Variants in MYBL2 observed in about 807,000 individuals in gnomAD.
MYBL2 encodes MYB proto-oncogene like 2.
A neutral mutation model predicts 79.9 loss-of-function variants in MYBL2; 28 were observed. The observed-to-expected ratio is 0.35, with a 90% CI of 0.26 to 0.48. MYBL2 has a LOEUF of 0.48. Among genes scored for constraint, MYBL2 ranks in the 20% least tolerant of loss-of-function variants. MYBL2 has a pLI of 0.99. For synonymous variants in MYBL2, 378 were observed against 361.2 expected (o/e 1.05, Z -0.53); for missense variants, 735 against 893.9 (o/e 0.82, Z 2.27).
chr20:43,692,632 G>A (rs181578500), intron 6 of MYBL2, among the ~76,000 whole-genome samples: 434 of 152,216 alleles, frequency 2.9e-3, no homozygotes, highest in Non-Finnish European at 4.9e-3. Context: ...AAGCATGTTT[G>A]CAATAAAAAA....
chr20:43,703,129 C>T (rs1409597605), intron 8 of MYBL2, among the ~76,000 whole-genome samples: 1 of 152,198 alleles, frequency 6.6e-6, no homozygotes, highest in Non-Finnish European at 1.5e-5. Context: ...TCCAGGAAGA[C>T]TGCCAGGAGG....
chr20:43,689,532 A>C (rs961582637), intron 5 of MYBL2, among the ~76,000 whole-genome samples: 6 of 149,950 alleles, frequency 4.0e-5, no homozygotes, highest in Admixed American at 6.6e-5. Flanking sequence ...CCTGCAGTGC[A>C]CTCCCGCTTG....
intron 1 of MYBL2, among the ~76,000 whole-genome samples, chr20:43,669,189 GTC>G (rs1402591159): frequency 6.6e-6 from 1 of 152,122 alleles, no homozygotes; most frequent in Non-Finnish European, 1.5e-5. Context: ...CTCGCGTTGT[GTC>G]TCACCTCACT....
In MYBL2 at chr20:43,705,070, G is replaced by A. The variant is rs564577234; in HGVS notation, c.1366-149G>A. On this transcript the variant is annotated intron_variant, in intron 8 of 13. Transcript: ENST00000217026. The stretch of plus-strand genomic sequence containing the variant: ...TCGATCTGTCCCAGTCCTTGTTCTC[G>A]GGTGTCTGATGGGTCAAGAGGGGAC... 12 of 950,874 alleles carry A rather than the reference G, an allele frequency of 1.3e-5. No individual in the cohort carries two copies. The East Asian group carries it at 1.6e-4, about 13-fold the overall frequency. The allele number at this position is 950,874 out of a possible 1,614,324, so 58.9% of individuals were successfully genotyped here. A position where few individuals can be genotyped will look rare whatever the true frequency, so the allele number is the denominator to read the frequency against.
chr20:43,712,087 T>TG (rs1188528629), intron 11 of MYBL2, among the ~76,000 whole-genome samples: 1 of 126,774 alleles, frequency 7.9e-6, no homozygotes, highest in African/African-American at 3.1e-5. Flanking sequence ...CTGCATGAGC[T>TG]GGGGGTGGGG....
At position 43,716,276 on chromosome 20, in the gene MYBL2, C is replaced by T. The variant is rs750720288; in HGVS notation, c.*189C>T. The T allele has an allele frequency of 1.2e-6, 1 of 820,410 alleles. No homozygotes were observed. The highest frequency in any genetic ancestry group is 1.8e-6 in the Non-Finnish European group (1 of 552,504). The allele number at this position is 820,410 out of a possible 1,614,324, so 50.8% of individuals were successfully genotyped here. ...TGTTGCCGAGCCCAGCTGTGGGCGG[C>T]TCCTGGTGCTAACAACAAAGTTCCA... On this transcript the variant is annotated 3_prime_UTR_variant, in exon 14 of 14. Coordinates refer to ENST00000217026, the MANE Select transcript of MYBL2 (RefSeq NM_002466.4).
Position 43,699,829 on chromosome 20 carries a change from G to A in MYBL2, c.736G>A (p.Ala246Thr). ...GGAGGAAAACAGTGAGGAGGAACTT[G>A]CAGCAGCCACCACATCGAAGGAACA... ...KEEENSEEEL[A>T]AATTSKEQEP... The change falls in exon 7 of 14, where the codon GCA (alanine) becomes ACA (threonine). Residue 246 changes from alanine (A) to threonine (T), a missense_variant. Ala to Thr is a moderately conservative substitution (Grantham distance 58). Around this residue, in one of 5 missense-constraint regions of MYBL2, gnomAD observed 144 missense variants for 131.9 expected, o/e 1.09. Transcript: ENST00000217026. 6.2e-7 allele frequency: 1 copy of A among 1,614,180 alleles called. No individual in the cohort carries two copies. The highest frequency in any genetic ancestry group is 2.2e-5 in the East Asian group (1 of 44,886).
chr20:43,686,263 T>C (rs73276029), intron 4 of MYBL2, among the ~76,000 whole-genome samples: 1,948 of 152,170 alleles, frequency 0.013, 47 homozygotes, highest in African/African-American at 0.045. Flanking sequence ...GGCCTGGCTC[T>C]TGTGGCTGCG....
At chr20:43,695,122 C>T (rs1987504491) in intron 6 of MYBL2, among the ~76,000 whole-genome samples, 1 of 151,990 alleles carries the variant, frequency 6.6e-6, no homozygotes, top group African/African-American at 2.4e-5. Flanking sequence ...CAACCTCCAC[C>T]TCCCAAGTTC....
At chr20:43,706,743 T>C (rs113557870) in intron 9 of MYBL2, among the ~76,000 whole-genome samples, 3,388 of 136,450 alleles carry the variant, frequency 0.025, 84 homozygotes, top group South Asian at 0.041. Context: ...TGAGATGGAG[T>C]CTTGCTTTAT....
At chr20:43,687,476 A>C (rs943879086) in intron 5 of MYBL2, among the ~76,000 whole-genome samples, 1 of 152,166 alleles carries the variant, frequency 6.6e-6, no homozygotes, top group Admixed American at 6.5e-5. Flanking sequence ...GTAGTACTAT[A>C]ATCTGCTAAA....
chr20:43,681,956 A>T, intron 3 of MYBL2, 101 bp downstream of exon 3: 1 of 1,237,568 alleles, frequency 8.1e-7, no homozygotes, highest in Non-Finnish European at 1.2e-6. Context: ...GGAGTTCCTT[A>T]CTCAGCCCCT....
intron 4 of MYBL2, among the ~76,000 whole-genome samples, chr20:43,684,967 C>T (rs73624572): frequency 1.3e-5 from 2 of 151,034 alleles, no homozygotes; most frequent in Admixed American, 6.6e-5. Context: ...ACCAACATGG[C>T]GAAACCCCGT....
At chr20:43,667,715 C>T (rs1357990023) in intron 1 of MYBL2, among the ~76,000 whole-genome samples, 1 of 152,168 alleles carries the variant, frequency 6.6e-6, no homozygotes, top group Admixed American at 6.5e-5. Context: ...AGTGGGAGAC[C>T]GAGCCTGGGA....
At chr20:43,681,304 T>C (rs1436491801) in intron 2 of MYBL2, among the ~76,000 whole-genome samples, 1 of 152,124 alleles carries the variant, frequency 6.6e-6, no homozygotes, top group Non-Finnish European at 1.5e-5. Context: ...AAGAGAACTT[T>C]ACAAAGTTCT....
At chr20:43,698,927 T>C (rs2145726179) in intron 6 of MYBL2, among the ~76,000 whole-genome samples, 1 of 150,650 alleles carries the variant, frequency 6.6e-6, no homozygotes, top group African/African-American at 2.4e-5. Context: ...AACCTTGAAT[T>C]CAGGAACTCA....
At chr20:43,715,320 C>T (rs1315306936) in intron 13 of MYBL2, 37 bp downstream of exon 13, 4 of 1,612,922 alleles carry the variant, frequency 2.5e-6, no homozygotes, top group African/African-American at 2.7e-5. Flanking sequence ...TCCTGCAGTG[C>T]CCGCCTTCTT....
chr20:43,673,709 C>T (rs1246054842), intron 1 of MYBL2, 97 bp from the exon 2 acceptor site: 1 of 1,152,494 alleles, frequency 8.7e-7, no homozygotes, highest in South Asian at 1.2e-5. Context: ...CTCCCCCAGA[C>T]CTTTCCCTAG....
At chr20:43,709,203 T>C (rs374675136) in intron 9 of MYBL2, among the ~76,000 whole-genome samples, 13 of 152,118 alleles carry the variant, frequency 8.5e-5, no homozygotes, top group African/African-American at 3.1e-4. Flanking sequence ...GAGTCAGCCA[T>C]GGTGGTATCT....
Sources: gnomAD v4.1 joint callset for allele counts (sites outside exome capture counted in the v4.1 genomes callset) on GRCh38, gnomAD v4.1.1 for gene constraint, gnomAD v4.1.1 regional missense constraint, MANE v1.5 for transcripts, NCBI Gene and HGNC (gene_info 2026-07-23, HGNC 2026-07-21) for gene names.